The following GRID2 variants were observed in gnomAD, a reference collection of about 807,000 sequenced individuals.
GRID2 encodes the protein glutamate ionotropic receptor delta type subunit 2, also known as glutamate receptor ionotropic, delta-2.
In GRID2, 33 loss-of-function variants were observed where a neutral mutation model predicts 114.8. The ratio of observed to expected loss-of-function variants is 0.29; its 90% CI spans 0.22 to 0.38. The LOEUF is 0.38. Among genes scored for constraint, GRID2 ranks in the 10% least tolerant of loss-of-function variants. The pLI, the probability that GRID2 is intolerant of heterozygous loss-of-function variation, is 1.00. For synonymous variants in GRID2, 505 were observed against 449.9 expected (o/e 1.12, Z -1.55); for missense variants, 1,184 against 1,257.7 (o/e 0.94, Z 0.89).
At chr4:92,763,023 GT>G (rs950936218) in intron 2 of GRID2, among the ~76,000 whole-genome samples, 26 of 152,280 alleles carry the variant, frequency 1.7e-4, no homozygotes, top group African/African-American at 5.5e-4. Context: ...TTGGGAAGTG[GT>G]TAAGTAGCTT....
intron 12 of GRID2, among the ~76,000 whole-genome samples, chr4:93,511,757 C>G (rs542982506): frequency 6.6e-6 from 1 of 151,078 alleles, no homozygotes; most frequent in African/African-American, 2.4e-5. Flanking sequence ...CTGGAGTACT[C>G]TAGATTTTTC....
At chr4:93,180,058 G>A (rs577276232) in intron 4 of GRID2, among the ~76,000 whole-genome samples, 1 of 151,976 alleles carries the variant, frequency 6.6e-6, no homozygotes, top group African/African-American at 2.4e-5. Flanking sequence ...TAAGCAGACC[G>A]GAATCATCAT....
In GRID2 at chr4:93,570,333, T is replaced by G. The variant is rs989168010; in HGVS notation, c.2193+54922T>G. On this transcript the variant is annotated intron_variant, in intron 13 of 15. Transcript: ENST00000282020. The stretch of plus-strand genomic sequence containing the variant: ...TCAGCCTCACTGTTGACTCACAGAC[T>G]TTCCCTTAGTATTTACACCACATAA... 3.3e-5 allele frequency among the ~76,000 whole-genome samples: 5 copies of G among 152,256 alleles called. No homozygotes were observed. In the East Asian group the frequency reaches 7.7e-4, roughly 24 times the overall value.
chr4:93,290,692 T>G (rs920200429), intron 8 of GRID2, among the ~76,000 whole-genome samples: 1 of 152,018 alleles, frequency 6.6e-6, no homozygotes, highest in African/African-American at 2.4e-5. Flanking sequence ...TTCTTTCTTT[T>G]TTCTTTTTTC....
At chr4:92,959,769 C>T (rs920114540) in intron 2 of GRID2, among the ~76,000 whole-genome samples, 1 of 151,996 alleles carries the variant, frequency 6.6e-6, no homozygotes, top group African/African-American at 2.4e-5. Context: ...AAATCAAACA[C>T]CACATGTTCT....
At chr4:93,751,348 G>A (rs1732300695) in intron 14 of GRID2, among the ~76,000 whole-genome samples, 1 of 152,132 alleles carries the variant, frequency 6.6e-6, no homozygotes, top group African/African-American at 2.4e-5. Flanking sequence ...CCCCTAGGGT[G>A]AGAATGAGAC....
intron 2 of GRID2, among the ~76,000 whole-genome samples, chr4:92,781,954 C>A (rs965321189): frequency 2.0e-5 from 3 of 151,852 alleles, no homozygotes; most frequent in African/African-American, 7.3e-5. Context: ...GCTTATTTTT[C>A]TTTTTATGAA....
intron 13 of GRID2, among the ~76,000 whole-genome samples, chr4:93,527,483 T>G (rs1177300738): frequency 6.6e-6 from 1 of 152,058 alleles, no homozygotes; most frequent in Non-Finnish European, 1.5e-5. Flanking sequence ...CATTATTCCT[T>G]TATTTCTCCT....
intron 4 of GRID2, among the ~76,000 whole-genome samples, chr4:93,193,471 T>A (rs1741193949): frequency 6.6e-6 from 1 of 152,120 alleles, no homozygotes; most frequent in South Asian, 2.1e-4. Flanking sequence ...CTTTTGCCCC[T>A]TTTGCTCTGC....
At chr4:93,422,447 T>C (rs1010913946) in intron 9 of GRID2, among the ~76,000 whole-genome samples, 7 of 152,176 alleles carry the variant, frequency 4.6e-5, no homozygotes, top group Non-Finnish European at 7.4e-5. Context: ...GATAAATTTA[T>C]AGTTTGTTGA....
chr4:92,924,925 C>T (rs975180670), intron 2 of GRID2, among the ~76,000 whole-genome samples: 12 of 152,074 alleles, frequency 7.9e-5, no homozygotes, highest in Non-Finnish European at 1.8e-4. Context: ...TCTTCTGTTT[C>T]TGACCTGCTT....
At chr4:93,417,260 A>G (rs1331360307) in intron 9 of GRID2, among the ~76,000 whole-genome samples, 1 of 151,966 alleles carries the variant, frequency 6.6e-6, no homozygotes, top group African/African-American at 2.4e-5. Flanking sequence ...TCTTGTAATA[A>G]TCCATTCTAC....
At chr4:92,969,196 A>T (rs1753340383) in intron 2 of GRID2, among the ~76,000 whole-genome samples, 1 of 151,544 alleles carries the variant, frequency 6.6e-6, no homozygotes, top group African/African-American at 2.4e-5. Flanking sequence ...CCCCTAGCAC[A>T]TGTCAACTAG....
intron 14 of GRID2, among the ~76,000 whole-genome samples, chr4:93,661,779 T>A (rs145084011): frequency 6.6e-6 from 1 of 152,270 alleles, no homozygotes; most frequent in East Asian, 1.9e-4. Context: ...TCGGCACAAA[T>A]GGCAGCACCC....
intron 8 of GRID2, among the ~76,000 whole-genome samples, chr4:93,371,356 A>C (rs1044502890): frequency 6.6e-6 from 1 of 151,978 alleles, no homozygotes; most frequent in Non-Finnish European, 1.5e-5. Context: ...GTGTTCTGTT[A>C]TTCCTTTTTT....
chr4:93,376,253 G>A (rs1292478320), intron 8 of GRID2, among the ~76,000 whole-genome samples: 1 of 152,154 alleles, frequency 6.6e-6, no homozygotes, highest in Non-Finnish European at 1.5e-5. Context: ...ATGACGGATC[G>A]TATGACTACA....
chr4:93,699,716 G>C (rs1727342774), intron 14 of GRID2, among the ~76,000 whole-genome samples: 1 of 152,002 alleles, frequency 6.6e-6, no homozygotes, highest in Non-Finnish European at 1.5e-5. Flanking sequence ...TCCTGAAATA[G>C]GAAAAGTTAA....
At chr4:92,478,858 C>T (rs2149102660) in intron 1 of GRID2, among the ~76,000 whole-genome samples, 1 of 152,092 alleles carries the variant, frequency 6.6e-6, no homozygotes, top group Non-Finnish European at 1.5e-5. Flanking sequence ...GAAATGTTTG[C>T]TAATAAGGTA....
intron 13 of GRID2, among the ~76,000 whole-genome samples, chr4:93,550,431 A>G (rs1398755542): frequency 4.6e-5 from 7 of 152,214 alleles, no homozygotes. Flanking sequence ...CTTGGCTATT[A>G]CAGAAGAGAT....
Sources: gnomAD v4.1 joint callset for allele counts (sites outside exome capture counted in the v4.1 genomes callset) on GRCh38, gnomAD v4.1.1 for gene constraint, MANE v1.5 for transcripts, NCBI Gene and HGNC (gene_info 2026-07-23, HGNC 2026-07-21) for gene names.